CADM1: variants seen among roughly 807,000 people sequenced by gnomAD.
CADM1 encodes cell adhesion molecule 1.
In CADM1, 15 loss-of-function variants were observed where a neutral mutation model predicts 53.1. The ratio of observed to expected loss-of-function variants is 0.28; its 90% CI spans 0.19 to 0.44. CADM1 has a LOEUF of 0.44. Among genes scored for constraint, CADM1 ranks in the 20% least tolerant of loss-of-function variants. The pLI is 1.00. For synonymous variants in CADM1, 281 were observed against 243.0 expected (o/e 1.16, Z -1.45); for missense variants, 434 against 611.3 (o/e 0.71, Z 3.06).
intron 1 of CADM1, among the ~76,000 whole-genome samples, chr11:115,284,012 AATT>A: frequency 6.6e-6 from 1 of 151,976 alleles, no homozygotes; most frequent in South Asian, 2.1e-4. Flanking sequence ...AAAATGGTAA[AATT>A]ATTGAGGCTG....
chr11:115,374,894 T>C (rs763586897), intron 1 of CADM1, among the ~76,000 whole-genome samples: 1 of 152,092 alleles, frequency 6.6e-6, no homozygotes, highest in Non-Finnish European at 1.5e-5. Flanking sequence ...ACGGACTTCA[T>C]TTGACTCTTG....
chr11:115,412,703 T>C lies in CADM1; in HGVS notation c.124+91568A>G, dbSNP rs180906067. On this transcript the variant is annotated intron_variant, in intron 1 of 11. Coordinates refer to ENST00000331581, the MANE Select transcript of CADM1 (RefSeq NM_001301043.2). ...CCGACTACCTCACTGGAGTTACAAA[T>C]GCAATGTGGTTGTCAATCCAGTGAG... Among the ~76,000 whole-genome samples the C allele has an allele frequency of 7.0e-3, 1,069 of 152,238 alleles. 7 individuals carry two copies. Among genetic ancestry groups the C allele is most frequent in the Non-Finnish European group, 8.3e-3 (566 of 68,004 alleles).
rs1004955417 is a variant in CADM1 at position 115,173,686 on chromosome 11, T to C, written c.*2788A>G. ...CAGATATTTTATAGTACTTCTTTTT[T>C]TTCTTTTTTTTTTTGTAAAAATGGT... On this transcript the variant is annotated 3_prime_UTR_variant, in exon 12 of 12. Transcript: ENST00000331581. 1.8e-6 allele frequency: 1 copy of C among 553,290 alleles called. No individual in the cohort carries two copies. Among genetic ancestry groups the C allele is most frequent in the Non-Finnish European group, 2.2e-6 (1 of 449,644 alleles). The allele number at this position is 553,290 out of a possible 1,614,324, so 34.3% of individuals were successfully genotyped here.
chr11:115,410,813 CA>C (rs1181711409), intron 1 of CADM1, among the ~76,000 whole-genome samples: 1 of 152,138 alleles, frequency 6.6e-6, no homozygotes, highest in Non-Finnish European at 1.5e-5. Context: ...TGGCATACAG[CA>C]GTGTTGCTCG....
rs182420768 is a variant in CADM1, at chr11:115,292,730, C to T, written c.125-52310G>A. Among the ~76,000 whole-genome samples the T allele has an allele frequency of 4.9e-3, 749 of 152,208 alleles. 7 individuals carry two copies. The highest frequency in any genetic ancestry group is 0.017 in the African/African-American group (692 of 41,544). On this transcript the variant is annotated intron_variant, in intron 1 of 11. Coordinates refer to ENST00000331581, the MANE Select transcript of CADM1 (RefSeq NM_001301043.2). ...TAGATGAGAAAAATGAAACCAGGGG[C>T]GGTAGTTCAAATGACAGGCAGATCA...
chr11:115,286,019 T>C (rs1284217586), intron 1 of CADM1, among the ~76,000 whole-genome samples: 2 of 152,134 alleles, frequency 1.3e-5, no homozygotes, highest in African/African-American at 2.4e-5. Flanking sequence ...CATGATATAC[T>C]CAAAGGCCAC....
chr11:115,362,686 A>G (rs1287961835), intron 1 of CADM1, among the ~76,000 whole-genome samples: 1 of 152,170 alleles, frequency 6.6e-6, no homozygotes, highest in Non-Finnish European at 1.5e-5. Context: ...CTAAGCCTCT[A>G]TTTAACAATG....
intron 1 of CADM1, among the ~76,000 whole-genome samples, chr11:115,316,700 T>C (rs1318669578): frequency 6.6e-6 from 1 of 152,178 alleles, no homozygotes; most frequent in African/African-American, 2.4e-5. Flanking sequence ...AATGCAATGA[T>C]ACAAATGCCA....
chr11:115,329,829 G>A (rs1172618543), intron 1 of CADM1, among the ~76,000 whole-genome samples: 1 of 151,860 alleles, frequency 6.6e-6, no homozygotes, highest in East Asian at 2.0e-4. Context: ...AAAGGAGATG[G>A]AGCGGGAAGA....
At chr11:115,346,974 T>C (rs536991981) in intron 1 of CADM1, among the ~76,000 whole-genome samples, 2 of 152,276 alleles carry the variant, frequency 1.3e-5, no homozygotes, top group South Asian at 4.1e-4. Flanking sequence ...CCCTATTGAT[T>C]CATCCTAAAG....
intron 1 of CADM1, chr11:115,256,706 A>G (rs1467787073): frequency 2.4e-6 from 1 of 414,344 alleles, no homozygotes; most frequent in Non-Finnish European, 5.0e-6. Flanking sequence ...CAGCAACAAA[A>G]TGGCCATTGC....
intron 1 of CADM1, among the ~76,000 whole-genome samples, chr11:115,362,654 G>T (rs45559239): frequency 0.015 from 2,230 of 152,184 alleles, 39 homozygotes; most frequent in African/African-American, 0.05. Flanking sequence ...TATCGAGGCA[G>T]ATCTTGGCAG....
At chr11:115,355,247 G>T (rs192298296) in intron 1 of CADM1, among the ~76,000 whole-genome samples, 65 of 152,106 alleles carry the variant, frequency 4.3e-4, no homozygotes, top group African/African-American at 1.4e-3. Context: ...AAGAAAATGT[G>T]GTATATATAC....
chr11:115,352,638 T>C (rs547110935), intron 1 of CADM1, among the ~76,000 whole-genome samples: 4 of 152,268 alleles, frequency 2.6e-5, no homozygotes, highest in African/African-American at 9.6e-5. Flanking sequence ...CAGAGAAGAC[T>C]TAGGAAGAAG....
At chr11:115,214,320 T>C (rs1941085058) in intron 7 of CADM1, among the ~76,000 whole-genome samples, 1 of 152,204 alleles carries the variant, frequency 6.6e-6, no homozygotes, top group Non-Finnish European at 1.5e-5. Context: ...GTTTCAGTCA[T>C]TACTTCTAAC....
chr11:115,238,955 A>T (rs1434266724), intron 2 of CADM1, among the ~76,000 whole-genome samples: 1 of 152,016 alleles, frequency 6.6e-6, no homozygotes, highest in African/African-American at 2.4e-5. Context: ...GTCAGTTTTC[A>T]GCACTTACTC....
intron 1 of CADM1, among the ~76,000 whole-genome samples, chr11:115,495,070 G>A (rs913860247): frequency 5.9e-5 from 9 of 152,182 alleles, no homozygotes; most frequent in South Asian, 2.1e-4. Flanking sequence ...GAAATTCAGT[G>A]TATTTAAGCT....
chr11:115,205,506 TA>T (rs2134712509), intron 8 of CADM1, among the ~76,000 whole-genome samples: 1 of 152,334 alleles, frequency 6.6e-6, no homozygotes, highest in South Asian at 2.1e-4. Context: ...GGTTTTCTTC[TA>T]TTCTAGTTTT....
In CADM1 at chr11:115,459,944, A is replaced by G. The variant is rs374819461; in HGVS notation, c.124+44327T>C. Among the ~76,000 whole-genome samples, 18 of 152,272 alleles carry G rather than the reference A, an allele frequency of 1.2e-4. No homozygotes were observed. In the East Asian group the frequency reaches 2.7e-3, roughly 23 times the overall value. ...TGTGTGTTTATATATAATTTGTTTA[A>G]GCTTCTATTAAACCCTCTACTGATT... On this transcript the variant is annotated intron_variant, in intron 1 of 11. Transcript: ENST00000331581.
Sources: allele counts gnomAD v4.1 joint callset (sites outside exome capture counted in the v4.1 genomes callset), GRCh38; gene constraint gnomAD v4.1.1; transcripts MANE v1.5; gene names NCBI Gene and HGNC (gene_info 2026-07-23, HGNC 2026-07-21).